The following PDZRN4 variants were observed in gnomAD, a reference collection of about 807,000 sequenced individuals.
PDZRN4 encodes the protein PDZ domain-containing RING finger protein 4.
In PDZRN4, 70 loss-of-function variants were observed where a neutral mutation model predicts 99.0. The observed-to-expected ratio is 0.71, with a 90% CI of 0.58 to 0.86. The LOEUF is 0.86. Ranked by LOEUF, PDZRN4 falls within the 40% of genes least tolerant of loss-of-function variation. The pLI, the probability that PDZRN4 is intolerant of heterozygous loss-of-function variation, is 0.00. For synonymous variants in PDZRN4, 551 were observed against 501.6 expected (o/e 1.10, Z -1.32); for missense variants, 1,474 against 1,331.2 (o/e 1.11, Z -1.67).
chr12:41,425,017 A>G (rs964988288), intron 3 of PDZRN4, among the ~76,000 whole-genome samples: 1 of 152,284 alleles, frequency 6.6e-6, no homozygotes, highest in Non-Finnish European at 1.5e-5. Context: ...AAAGACTCTG[A>G]CACAATTAGG....
At chr12:41,232,522 G>T (rs560893196) in intron 3 of PDZRN4, among the ~76,000 whole-genome samples, 1 of 152,068 alleles carries the variant, frequency 6.6e-6, no homozygotes, top group African/African-American at 2.4e-5. Flanking sequence ...TACATGTTTA[G>T]CACATCAGGA....
chr12:41,400,448 C>G (rs778426756), intron 3 of PDZRN4, among the ~76,000 whole-genome samples: 6 of 152,076 alleles, frequency 3.9e-5, no homozygotes, highest in African/African-American at 1.4e-4. Flanking sequence ...GCAACACTTT[C>G]GAGGCACCAT....
At chr12:41,313,466 G>T (rs753693871) in intron 3 of PDZRN4, among the ~76,000 whole-genome samples, 1 of 152,012 alleles carries the variant, frequency 6.6e-6, no homozygotes, top group African/African-American at 2.4e-5. Context: ...TGGTACTATT[G>T]GAAAGACCCA....
chr12:41,287,442 T>G (rs1275979608), intron 3 of PDZRN4, among the ~76,000 whole-genome samples: 1 of 152,246 alleles, frequency 6.6e-6, no homozygotes. Context: ...ATTCGTTACA[T>G]TTAAACTATT....
intron 3 of PDZRN4, among the ~76,000 whole-genome samples, chr12:41,232,138 G>A (rs1293146572): frequency 3.9e-5 from 6 of 151,990 alleles, no homozygotes; most frequent in African/African-American, 1.4e-4. Flanking sequence ...TGGAACCACT[G>A]AGATTATAAA....
chr12:41,324,831 T>C (rs755800573), intron 3 of PDZRN4, among the ~76,000 whole-genome samples: 26 of 152,124 alleles, frequency 1.7e-4, no homozygotes, highest in Non-Finnish European at 2.8e-4. Flanking sequence ...AATTTTTATA[T>C]TGAGTACATG....
At chr12:41,316,492 GTGTA>G (rs1951639024) in intron 3 of PDZRN4, among the ~76,000 whole-genome samples, 1 of 147,332 alleles carries the variant, frequency 6.8e-6, no homozygotes. Context: ...GTGTGTGTGT[GTGTA>G]TAAAATAAAA....
At chr12:41,475,677 AT>A (rs1485819809) in intron 3 of PDZRN4, among the ~76,000 whole-genome samples, 1 of 152,210 alleles carries the variant, frequency 6.6e-6, no homozygotes, top group East Asian at 1.9e-4. Flanking sequence ...CAATGGCATA[AT>A]ATTAGCGCTC....
intron 3 of PDZRN4, among the ~76,000 whole-genome samples, chr12:41,372,406 C>A (rs1292874447): frequency 1.3e-5 from 2 of 152,030 alleles, no homozygotes; most frequent in Admixed American, 6.6e-5. Flanking sequence ...ATTAAATAAG[C>A]AATCACAAGA....
Position 41,573,273 on chromosome 12 carries a change from C to G in PDZRN4, c.2494C>G (p.Pro832Ala), listed in dbSNP as rs1301581406. The change falls in exon 10 of 10, where the codon CCT (proline) becomes GCT (alanine). Residue 832 changes from proline to alanine, a missense_variant. Pro to Ala is a conservative substitution (Grantham distance 27). Transcript: ENST00000402685. The stretch of plus-strand genomic sequence containing the variant: ...CAGCGAACACATCCCTTACCTCTCT[C>G]CTTACCACAGCTCCTCATATAGATA... Reference protein sequence around the residue: ...AVSEHIPYLSPYHSSSYRYAN... With the variant: ...AVSEHIPYLSAYHSSSYRYAN... The G allele has an allele frequency of 6.2e-7, 1 of 1,613,728 alleles. No homozygotes were observed. The highest frequency in any genetic ancestry group is 8.5e-7 in the Non-Finnish European group (1 of 1,180,036).
chr12:41,434,302 A>G (rs1952610475), intron 3 of PDZRN4, among the ~76,000 whole-genome samples: 1 of 151,272 alleles, frequency 6.6e-6, no homozygotes, highest in Non-Finnish European at 1.5e-5. Context: ...ATTCGCTGAC[A>G]TTTGCTCACA....
chr12:41,389,210 A>G (rs1952192828), intron 3 of PDZRN4, among the ~76,000 whole-genome samples: 1 of 152,218 alleles, frequency 6.6e-6, no homozygotes, highest in South Asian at 2.1e-4. Context: ...CCATGATAAG[A>G]TATAAAAAAT....
chr12:41,517,815 C>G (rs1448152747), intron 5 of PDZRN4, among the ~76,000 whole-genome samples: 1 of 151,962 alleles, frequency 6.6e-6, no homozygotes, highest in Non-Finnish European at 1.5e-5. Flanking sequence ...ACAGAGAAAG[C>G]CCACACACTC....
At chr12:41,326,193 G>A (rs1378388567) in intron 3 of PDZRN4, among the ~76,000 whole-genome samples, 1 of 151,272 alleles carries the variant, frequency 6.6e-6, no homozygotes, top group African/African-American at 2.4e-5. Flanking sequence ...GCCCAGGGTG[G>A]TCTCAAATTT....
intron 3 of PDZRN4, among the ~76,000 whole-genome samples, chr12:41,231,646 T>C (rs1303990023): frequency 6.6e-6 from 1 of 152,136 alleles, no homozygotes; most frequent in Non-Finnish European, 1.5e-5. Context: ...GTTTCATTTA[T>C]TTTTACTAAA....
At chr12:41,238,203 T>C (rs1951079220) in intron 3 of PDZRN4, among the ~76,000 whole-genome samples, 1 of 152,114 alleles carries the variant, frequency 6.6e-6, no homozygotes, top group South Asian at 2.1e-4. Flanking sequence ...GTCAGCTGTA[T>C]TCCTAGGTAT....
At chr12:41,244,443 T>C (rs1004706161) in intron 3 of PDZRN4, among the ~76,000 whole-genome samples, 1 of 152,182 alleles carries the variant, frequency 6.6e-6, no homozygotes, top group Non-Finnish European at 1.5e-5. Flanking sequence ...AGTTCCCATT[T>C]TCCTCAGTAA....
At chr12:41,261,779 G>T (rs1951241933) in intron 3 of PDZRN4, among the ~76,000 whole-genome samples, 1 of 152,156 alleles carries the variant, frequency 6.6e-6, no homozygotes, top group Admixed American at 6.5e-5. Flanking sequence ...GTGAGCCACC[G>T]TGCCCGGCCT....
intron 3 of PDZRN4, among the ~76,000 whole-genome samples, chr12:41,233,986 G>A (rs1354778991): frequency 6.6e-6 from 1 of 151,806 alleles, no homozygotes; most frequent in East Asian, 1.9e-4. Flanking sequence ...TCCAGATGTA[G>A]CAGAGAATCA....
Sources: allele counts gnomAD v4.1 joint callset (sites outside exome capture counted in the v4.1 genomes callset), GRCh38; gene constraint gnomAD v4.1.1; transcripts MANE v1.5; gene names NCBI Gene and HGNC (gene_info 2026-07-23, HGNC 2026-07-21).